Variants in ROBO1 observed in about 807,000 individuals in gnomAD.
The protein encoded by ROBO1 is roundabout guidance receptor 1.
Under a neutral mutation model 195.9 loss-of-function variants are expected in ROBO1, and 149 were observed. That is an observed-to-expected ratio of 0.76 (90% confidence interval 0.67 to 0.87). ROBO1 has a LOEUF of 0.87. Ranked by LOEUF, ROBO1 falls within the 40% of genes least tolerant of loss-of-function variation. The pLI is 0.00. For synonymous variants in ROBO1, 816 were observed against 733.2 expected (o/e 1.11, Z -1.82); for missense variants, 1,933 against 2,068.3 (o/e 0.93, Z 1.27).
intron 2 of ROBO1, among the ~76,000 whole-genome samples, chr3:79,247,176 C>A (rs1270473807): frequency 6.8e-6 from 1 of 146,290 alleles, no homozygotes; most frequent in Non-Finnish European, 1.5e-5. Context: ...GGAGAGAAAG[C>A]TGTGAACATA....
At chr3:78,687,548 A>T (rs1019386197) in intron 9 of ROBO1, among the ~76,000 whole-genome samples, 4 of 152,210 alleles carry the variant, frequency 2.6e-5, no homozygotes, top group Non-Finnish European at 4.4e-5. Flanking sequence ...AAGCAAAATT[A>T]AAAAAGGTCA....
chr3:79,492,989 C>A (rs530733295), intron 2 of ROBO1, among the ~76,000 whole-genome samples: 2 of 151,992 alleles, frequency 1.3e-5, no homozygotes, highest in Non-Finnish European at 2.9e-5. Context: ...TGAATACAAT[C>A]TAATTTAAGA....
At chr3:78,607,204 A>C (rs1378360398) in intron 28 of ROBO1, 163 bp from the exon 29 acceptor site, 10 of 634,104 alleles carry the variant, frequency 1.6e-5, no homozygotes, top group Non-Finnish European at 2.7e-5. Flanking sequence ...ATTTTTTAAA[A>C]TTTATGTTTA....
chr3:79,252,893 G>A (rs1425758935), intron 2 of ROBO1, among the ~76,000 whole-genome samples: 2 of 151,988 alleles, frequency 1.3e-5, no homozygotes, highest in Admixed American at 1.3e-4. Flanking sequence ...GCTCCCTCAA[G>A]GAGATAGATG....
At chr3:78,892,976 C>G (rs527657604) in intron 4 of ROBO1, among the ~76,000 whole-genome samples, 1 of 152,262 alleles carries the variant, frequency 6.6e-6, no homozygotes, top group South Asian at 2.1e-4. Context: ...CCACTTTAGT[C>G]CCCTGGATTT....
intron 4 of ROBO1, among the ~76,000 whole-genome samples, chr3:78,858,826 T>A (rs978485422): frequency 7.9e-6 from 1 of 125,828 alleles, no homozygotes; most frequent in East Asian, 2.4e-4. Context: ...GAGCCTGAAA[T>A]GAGAGTAGGT....
intron 2 of ROBO1, among the ~76,000 whole-genome samples, chr3:79,433,423 C>A (rs1356627514): frequency 6.6e-6 from 1 of 152,070 alleles, no homozygotes; most frequent in Non-Finnish European, 1.5e-5. Context: ...CAAAGTCTAG[C>A]TCTGTTGCCC....
chr3:79,243,453 G>A (rs1261872109), intron 2 of ROBO1, among the ~76,000 whole-genome samples: 1 of 152,052 alleles, frequency 6.6e-6, no homozygotes, highest in Non-Finnish European at 1.5e-5. Flanking sequence ...CCCACCAACA[G>A]TGTAAAAGTG....
At chr3:78,744,401 C>T (rs1207659542) in intron 5 of ROBO1, among the ~76,000 whole-genome samples, 2 of 152,192 alleles carry the variant, frequency 1.3e-5, no homozygotes, top group African/African-American at 2.4e-5. Flanking sequence ...ACCATTGCCA[C>T]GTTTCAGTGT....
At chr3:79,679,651 G>A (rs1187785643) in intron 1 of ROBO1, among the ~76,000 whole-genome samples, 2 of 151,950 alleles carry the variant, frequency 1.3e-5, no homozygotes, top group Non-Finnish European at 2.9e-5. Flanking sequence ...TTGAATTTCA[G>A]TTTGTTCTCC....
chr3:79,567,392 A>C (rs1328796047), intron 2 of ROBO1, among the ~76,000 whole-genome samples: 1 of 152,206 alleles, frequency 6.6e-6, no homozygotes, highest in Non-Finnish European at 1.5e-5. Context: ...CTTAAAAGTT[A>C]GAAAAGGAGA....
At chr3:79,373,875 C>A (rs2036289907) in intron 2 of ROBO1, among the ~76,000 whole-genome samples, 1 of 152,074 alleles carries the variant, frequency 6.6e-6, no homozygotes. Flanking sequence ...CCTTGGGGAC[C>A]TTTAGATCTA....
chr3:79,134,095 C>T (rs1248924639), intron 2 of ROBO1, among the ~76,000 whole-genome samples: 5 of 146,426 alleles, frequency 3.4e-5, no homozygotes, highest in Non-Finnish European at 7.5e-5. Context: ...TCAGAGTGAA[C>T]AGGCAACCTA....
chr3:79,173,120 C>T (rs1013009886), intron 2 of ROBO1, among the ~76,000 whole-genome samples: 1 of 152,106 alleles, frequency 6.6e-6, no homozygotes, highest in Non-Finnish European at 1.5e-5. Flanking sequence ...TACCAGTCCA[C>T]ATCAATGCAC....
chr3:79,511,798 T>A (rs1204484624), intron 2 of ROBO1, among the ~76,000 whole-genome samples: 1 of 152,160 alleles, frequency 6.6e-6, no homozygotes, highest in African/African-American at 2.4e-5. Context: ...GAGGCCATTA[T>A]CCTTAGCAAA....
Position 78,966,696 on chromosome 3 carries a change from A to C in ROBO1, c.173-27769T>G, listed in dbSNP as rs150623039. ...ATTTAAATACAATTGGCACCTCTTAATCAACATTTCTTATAGAGCTCCATC... is the reference window on the plus strand; with the variant it reads ...ATTTAAATACAATTGGCACCTCTTACTCAACATTTCTTATAGAGCTCCATC... On this transcript the variant is annotated intron_variant, in intron 3 of 30. Transcript: ENST00000464233. Among the ~76,000 whole-genome samples, 716 of 152,314 alleles carry C rather than the reference A, an allele frequency of 4.7e-3. 5 individuals carry two copies. The highest frequency in any genetic ancestry group is 7.8e-3 in the Admixed American group (119 of 15,298).
intron 2 of ROBO1, among the ~76,000 whole-genome samples, chr3:79,208,854 G>A (rs1482683233): frequency 2.0e-5 from 3 of 151,996 alleles, no homozygotes; most frequent in African/African-American, 4.8e-5. Context: ...CAACCTTTCC[G>A]AGAAATTTCT....
At chr3:78,611,073 C>T (rs1439507806) in intron 28 of ROBO1, among the ~76,000 whole-genome samples, 3 of 152,034 alleles carry the variant, frequency 2.0e-5, no homozygotes, top group Admixed American at 6.5e-5. Context: ...CTTATAAACA[C>T]TCATTCTTTC....
chr3:78,620,439 G>A (rs1704384929), intron 26 of ROBO1, among the ~76,000 whole-genome samples: 1 of 152,130 alleles, frequency 6.6e-6, no homozygotes, highest in Non-Finnish European at 1.5e-5. Flanking sequence ...TCCAACCCGG[G>A]AGGAGGAGGT....
Sources: allele counts gnomAD v4.1 joint callset (sites outside exome capture counted in the v4.1 genomes callset), GRCh38; gene constraint gnomAD v4.1.1; transcripts MANE v1.5; gene names NCBI Gene and HGNC (gene_info 2026-07-23, HGNC 2026-07-21).